Variants in PRKCA observed in about 807,000 individuals in gnomAD.
PRKCA encodes protein kinase C alpha type.
A neutral mutation model predicts 87.0 loss-of-function variants in PRKCA; 27 were observed. The observed-to-expected ratio is 0.31, with a 90% CI of 0.23 to 0.43. PRKCA has a LOEUF of 0.43. Among genes scored for constraint, PRKCA ranks in the 20% least tolerant of loss-of-function variants. The pLI is 1.00. For missense variants in PRKCA, 518 were observed against 852.3 expected, an observed-to-expected ratio of 0.61 and a Z score of 4.88; for synonymous variants, 329 against 311.1, an observed-to-expected ratio of 1.06 and a Z score of -0.61.
chr17:66,396,992 G>A (rs1374892125), intron 2 of PRKCA, among the ~76,000 whole-genome samples: 1 of 100,142 alleles, frequency 1.0e-5, no homozygotes. Flanking sequence ...TTGAGACAGA[G>A]TCTGTCTCTG....
intron 3 of PRKCA, among the ~76,000 whole-genome samples, chr17:66,630,697 T>A (rs1346365383): frequency 7.9e-5 from 12 of 152,208 alleles, no homozygotes; most frequent in Admixed American, 7.9e-4. Context: ...TGAGGTTGTT[T>A]GGTACTGCTT....
chr17:66,656,999 A>T (rs1167521750), intron 5 of PRKCA, among the ~76,000 whole-genome samples: 1 of 152,236 alleles, frequency 6.6e-6, no homozygotes, highest in East Asian at 1.9e-4. Flanking sequence ...TGCTCTGATT[A>T]TTGGCATCAA....
intron 3 of PRKCA, among the ~76,000 whole-genome samples, chr17:66,578,640 C>T (rs1885248268): frequency 6.6e-6 from 1 of 152,216 alleles, no homozygotes; most frequent in Admixed American, 6.5e-5. Flanking sequence ...CCTGCCAAGT[C>T]ATTCTAAAGA....
At chr17:66,566,465 T>G (rs1968890760) in intron 3 of PRKCA, among the ~76,000 whole-genome samples, 1 of 147,936 alleles carries the variant, frequency 6.8e-6, no homozygotes, top group Admixed American at 6.9e-5. Context: ...TGTGAAGAAC[T>G]GTTGTTGTTT....
At chr17:66,555,981 C>T (rs1968482709) in intron 3 of PRKCA, among the ~76,000 whole-genome samples, 2 of 152,098 alleles carry the variant, frequency 1.3e-5, no homozygotes, top group African/African-American at 4.8e-5. Context: ...GCATTTTCCT[C>T]TACTACTTTT....
At chr17:66,769,275 T>G (rs1292100938) in intron 13 of PRKCA, among the ~76,000 whole-genome samples, 1 of 151,808 alleles carries the variant, frequency 6.6e-6, no homozygotes, top group Non-Finnish European at 1.5e-5. Flanking sequence ...GAGGATTGCT[T>G]GAGCCCAGGA....
chr17:66,645,759 G>A (rs906712504), intron 5 of PRKCA, among the ~76,000 whole-genome samples: 8 of 152,214 alleles, frequency 5.3e-5, no homozygotes, highest in African/African-American at 1.9e-4. Flanking sequence ...CACAAGCACT[G>A]TGTGGATTGG....
chr17:66,670,739 G>C (rs1013132777), intron 5 of PRKCA, among the ~76,000 whole-genome samples: 2 of 152,020 alleles, frequency 1.3e-5, no homozygotes, highest in African/African-American at 4.8e-5. Context: ...GCGTGTGTCT[G>C]TAGTCCCAGC....
chr17:66,411,075 G>A (rs1271896238), intron 2 of PRKCA, among the ~76,000 whole-genome samples: 1 of 151,816 alleles, frequency 6.6e-6, no homozygotes, highest in Admixed American at 6.6e-5. Context: ...TTTTTGTTTT[G>A]TTTGTTTTGT....
At chr17:66,463,540 C>T (rs1914952839) in intron 2 of PRKCA, among the ~76,000 whole-genome samples, 3 of 152,030 alleles carry the variant, frequency 2.0e-5, no homozygotes, top group Admixed American at 6.6e-5. Context: ...AGATTACAGG[C>T]ATGTGCCACC....
chr17:66,425,555 A>G (rs1258996008), intron 2 of PRKCA, among the ~76,000 whole-genome samples: 1 of 152,200 alleles, frequency 6.6e-6, no homozygotes, highest in East Asian at 1.9e-4. Flanking sequence ...TCATGAAAAA[A>G]ATCACATTTG....
At chr17:66,468,452 T>C (rs983063713) in intron 2 of PRKCA, among the ~76,000 whole-genome samples, 1 of 152,214 alleles carries the variant, frequency 6.6e-6, no homozygotes, top group Non-Finnish European at 1.5e-5. Flanking sequence ...ACATGCATTT[T>C]TTTTCCTGGC....
chr17:66,529,301 G>A (rs889318106), intron 3 of PRKCA, among the ~76,000 whole-genome samples: 5 of 152,128 alleles, frequency 3.3e-5, no homozygotes, highest in Admixed American at 6.5e-5. Flanking sequence ...GTTATAAGAC[G>A]TGAATAAGAC....
Position 66,788,946 on chromosome 17 carries a change from C to T in PRKCA, c.1821C>T (p.Asn607=). The T allele has an allele frequency of 1.2e-6, 2 of 1,614,144 alleles. No individual in the cohort carries two copies. The highest frequency in any genetic ancestry group is 1.7e-6 in the Non-Finnish European group (2 of 1,180,030). Reference sequence around the variant, plus strand: ...GGATCGACTGGGAAAAACTGGAGAACAGGGAGATCCAGCCACCATTCAAGC... The same window carrying T: ...GGATCGACTGGGAAAAACTGGAGAATAGGGAGATCCAGCCACCATTCAAGC... ...FRRIDWEKLE[N]REIQPPFKPK... is the part of the protein sequence containing the mutation. Residue 607 remains asparagine (N), a synonymous_variant, in exon 16 of 17, where the codon AAC becomes AAT. Transcript: ENST00000413366.
chr17:66,371,664 A>T (rs966169485), intron 2 of PRKCA, among the ~76,000 whole-genome samples: 8 of 152,262 alleles, frequency 5.3e-5, no homozygotes, highest in African/African-American at 1.2e-4. Context: ...AAAATCTTAG[A>T]ATAGGGCCTG....
chr17:66,542,020 C>T (rs746459783), intron 3 of PRKCA, among the ~76,000 whole-genome samples: 8 of 152,180 alleles, frequency 5.3e-5, no homozygotes, highest in Non-Finnish European at 7.3e-5. Flanking sequence ...CAGGCAATTG[C>T]AGAGTCCTGA....
intron 3 of PRKCA, among the ~76,000 whole-genome samples, chr17:66,536,614 G>A (rs1205453639): frequency 6.6e-6 from 1 of 152,226 alleles, no homozygotes; most frequent in Non-Finnish European, 1.5e-5. Context: ...AGCTGCAGAA[G>A]GGGGGATGCT....
chr17:66,454,118 T>C (rs1914469272), intron 2 of PRKCA, among the ~76,000 whole-genome samples: 1 of 152,240 alleles, frequency 6.6e-6, no homozygotes, highest in Non-Finnish European at 1.5e-5. Context: ...GACTCAAAAT[T>C]ATACAATTAA....
chr17:66,397,137 T>A (rs1910735477), intron 2 of PRKCA, among the ~76,000 whole-genome samples: 1 of 151,634 alleles, frequency 6.6e-6, no homozygotes, highest in Non-Finnish European at 1.5e-5. Flanking sequence ...AGCTAATTTT[T>A]GTATTTTTGG....
Sources: allele counts gnomAD v4.1 joint callset (sites outside exome capture counted in the v4.1 genomes callset), GRCh38; gene constraint gnomAD v4.1.1; transcripts MANE v1.5; gene names NCBI Gene and HGNC (gene_info 2026-07-23, HGNC 2026-07-21).